CDH4: variants seen among roughly 807,000 people sequenced by gnomAD.
CDH4 encodes the protein cadherin-4.
CDH4 carries 33 observed loss-of-function variants against 86.0 expected under a neutral mutation model. That is an observed-to-expected ratio of 0.38 (90% CI 0.29 to 0.51). CDH4 has a LOEUF of 0.51. Ranked by LOEUF, CDH4 falls within the 20% of genes least tolerant of loss-of-function variation. The probability of loss-of-function intolerance (pLI) is 0.86; values close to 1 mark genes in which losing one functional copy is unlikely to be tolerated. For missense variants in CDH4, 1,114 were observed against 1,307.4 expected (o/e 0.85, Z 2.28); for synonymous variants, 555 against 549.4 (o/e 1.01, Z -0.14).
chr20:61,442,860 G>A (rs2085321668), intron 2 of CDH4, among the ~76,000 whole-genome samples: 1 of 152,264 alleles, frequency 6.6e-6, no homozygotes, highest in Non-Finnish European at 1.5e-5. Flanking sequence ...CCCGGCCTTG[G>A]CACTGTTGGC....
Position 61,805,230 on chromosome 20 carries a change from T to C in CDH4, c.576+32048T>C, listed in dbSNP as rs1048066872. 5.3e-5 allele frequency among the ~76,000 whole-genome samples: 8 copies of C among 152,170 alleles called. No individual in the cohort carries two copies. In the South Asian group the frequency reaches 1.7e-3, roughly 32 times the overall value. On this transcript the variant is annotated intron_variant, in intron 4 of 15. Coordinates refer to ENST00000614565, the MANE Select transcript of CDH4 (RefSeq NM_001794.5). ...AGCCCCCCATCCCTACCCAAGCTAC[T>C]AGAACAGAGAGGAGCAGAGAAGAAC...
At chr20:61,878,399 G>A (rs889826068) in intron 7 of CDH4, among the ~76,000 whole-genome samples, 3 of 152,232 alleles carry the variant, frequency 2.0e-5, no homozygotes, top group Non-Finnish European at 2.9e-5. Context: ...AGTGTTGGGC[G>A]CCCTCAGGGC....
chr20:61,774,962 T>G (rs2088820307), intron 4 of CDH4, among the ~76,000 whole-genome samples: 1 of 152,208 alleles, frequency 6.6e-6, no homozygotes, highest in Non-Finnish European at 1.5e-5. Flanking sequence ...TCTTTGCTGT[T>G]GTGAATAGCG....
intron 2 of CDH4, among the ~76,000 whole-genome samples, chr20:61,687,512 C>T (rs1445357388): frequency 6.6e-6 from 1 of 152,192 alleles, no homozygotes; most frequent in Non-Finnish European, 1.5e-5. Context: ...TAATCAGTAA[C>T]TTTATTTTAA....
chr20:61,474,724 C>A (rs962166441), intron 2 of CDH4, among the ~76,000 whole-genome samples: 8 of 151,304 alleles, frequency 5.3e-5, no homozygotes, highest in Non-Finnish European at 7.4e-5. Context: ...AAAAAAAATT[C>A]TTTTTTCTCC....
chr20:61,634,449 C>T (rs2086926291), intron 2 of CDH4, among the ~76,000 whole-genome samples: 1 of 152,206 alleles, frequency 6.6e-6, no homozygotes, highest in Admixed American at 6.5e-5. Flanking sequence ...ACCCTGACTT[C>T]CGCGAGTGTT....
At chr20:61,874,130 C>G (rs781011709) in intron 7 of CDH4, among the ~76,000 whole-genome samples, 4 of 152,136 alleles carry the variant, frequency 2.6e-5, no homozygotes, top group African/African-American at 9.7e-5. Flanking sequence ...CCAGCTGGTG[C>G]GTGTGGCTAT....
intron 2 of CDH4, among the ~76,000 whole-genome samples, chr20:61,331,664 C>T (rs1255833242): frequency 0.014 from 2,038 of 147,752 alleles, no homozygotes; most frequent in East Asian, 0.029. Context: ...GCCACCTGCC[C>T]CAGGCTCACC....
chr20:61,310,037 G>C (rs756604143), intron 2 of CDH4, among the ~76,000 whole-genome samples: 2 of 152,178 alleles, frequency 1.3e-5, no homozygotes, highest in Non-Finnish European at 2.9e-5. Context: ...TTACAGAAAT[G>C]GGTGGCCTTG....
At chr20:61,313,895 C>G (rs1478418904) in intron 2 of CDH4, among the ~76,000 whole-genome samples, 1 of 152,160 alleles carries the variant, frequency 6.6e-6, no homozygotes, top group African/African-American at 2.4e-5. Context: ...CACCACCATG[C>G]CCAGCTAATT....
At chr20:61,793,267 G>A (rs1376866177) in intron 4 of CDH4, among the ~76,000 whole-genome samples, 1 of 152,086 alleles carries the variant, frequency 6.6e-6, no homozygotes, top group Non-Finnish European at 1.5e-5. Flanking sequence ...GCCTGGCCCA[G>A]ATGGTGCAGT....
chr20:61,324,480 C>T (rs2084526459), intron 2 of CDH4, among the ~76,000 whole-genome samples: 1 of 152,198 alleles, frequency 6.6e-6, no homozygotes, highest in South Asian at 2.1e-4. Context: ...TGGCTGCTGG[C>T]AGACCTTGGC....
chr20:61,787,149 T>A lies in CDH4; in HGVS notation c.576+13967T>A, dbSNP rs1335717051. 2.0e-5 allele frequency among the ~76,000 whole-genome samples: 3 copies of A among 152,134 alleles called. No homozygotes were observed. The East Asian group carries it at 5.8e-4, about 29-fold the overall frequency. On this transcript the variant is annotated intron_variant, in intron 4 of 15. Coordinates refer to ENST00000614565, the MANE Select transcript of CDH4 (RefSeq NM_001794.5). ...GTCTGTCCGTCCATCCATCCATCCA[T>A]CTATCCCTCCATCCATCCATTCATG...
chr20:61,465,893 G>A (rs1433528620), intron 2 of CDH4, among the ~76,000 whole-genome samples: 1 of 150,902 alleles, frequency 6.6e-6, no homozygotes, highest in Non-Finnish European at 1.5e-5. Context: ...GGTGGCAGGA[G>A]GATACAGTTT....
chr20:61,636,532 C>T (rs1012701905), intron 2 of CDH4, among the ~76,000 whole-genome samples: 3 of 152,246 alleles, frequency 2.0e-5, no homozygotes, highest in Non-Finnish European at 2.9e-5. Flanking sequence ...GGGCTGTCCC[C>T]GGCAGCCTTG....
rs1983413824 is a variant in CDH4 at position 61,863,424 on chromosome 20, C to T, written c.878-10304C>T. On this transcript the variant is annotated intron_variant, in intron 6 of 15. Coordinates refer to ENST00000614565, the MANE Select transcript of CDH4 (RefSeq NM_001794.5). ...TGGTTTCCTTCTCATTCTCAAAGCC[C>T]ACGGGGCAGGAGAACTCACCTGGGC... Among the ~76,000 whole-genome samples the T allele has an allele frequency of 2.0e-5, 3 of 152,318 alleles. No individual in the cohort carries two copies. In the South Asian group the frequency reaches 6.2e-4, roughly 32 times the overall value.
chr20:61,739,942 A>C (rs1181258928), intron 2 of CDH4, among the ~76,000 whole-genome samples: 7 of 152,256 alleles, frequency 4.6e-5, no homozygotes, highest in Non-Finnish European at 1.0e-4. Context: ...CAACACCGTC[A>C]GGAGCGTCCT....
chr20:61,623,587 C>T lies in CDH4; in HGVS notation c.170-119976C>T, dbSNP rs1391314131. Among the ~76,000 whole-genome samples the T allele has an allele frequency of 2.6e-5, 4 of 152,140 alleles. No individual in the cohort carries two copies. Among genetic ancestry groups the T allele is most frequent in the Non-Finnish European group, 5.9e-5 (4 of 68,034 alleles). ...GTCATCAAGAGCTAGACCCAGCGGC[C>T]GTGTTGTCTTTCCTCTACATGAGCA... On this transcript the variant is annotated intron_variant, in intron 2 of 15. Transcript: ENST00000614565. The surrounding 1 kb of genome is among the most constrained non-coding windows in gnomAD (Gnocchi z 4.4).
At chr20:61,373,212 G>A (rs558460936) in intron 2 of CDH4, among the ~76,000 whole-genome samples, 8 of 152,086 alleles carry the variant, frequency 5.3e-5, no homozygotes, top group South Asian at 4.2e-4. Flanking sequence ...TGCCGGCCCC[G>A]TAGCCTGGAA....
Sources: gnomAD v4.1 joint callset for allele counts (sites outside exome capture counted in the v4.1 genomes callset) on GRCh38, gnomAD v4.1.1 for gene constraint, Gnocchi (gnomAD v3.1) non-coding constraint, MANE v1.5 for transcripts, NCBI Gene and HGNC (gene_info 2026-07-23, HGNC 2026-07-21) for gene names.